DGKI: variants seen among roughly 807,000 people sequenced by gnomAD.
DGKI encodes DAG kinase iota.
Under a neutral mutation model 147.5 loss-of-function variants are expected in DGKI, and 55 were observed. That is an observed-to-expected ratio of 0.37 (90% CI 0.30 to 0.47). The LOEUF (loss-of-function observed/expected upper bound fraction) is 0.47. Among genes scored for constraint, DGKI ranks in the 20% least tolerant of loss-of-function variants. DGKI has a pLI of 1.00. For missense variants in DGKI, 1,007 were observed against 1,323.8 expected (o/e 0.76, Z 3.71); for synonymous variants, 469 against 477.1 (o/e 0.98, Z 0.22).
chr7:137,844,115 C>T (rs1798640617), intron 1 of DGKI, among the ~76,000 whole-genome samples: 1 of 152,144 alleles, frequency 6.6e-6, no homozygotes, highest in Admixed American at 6.5e-5. Flanking sequence ...ACACACCCTT[C>T]ATCCATCCCA....
intron 2 of DGKI, among the ~76,000 whole-genome samples, chr7:137,687,077 G>A (rs1823442940): frequency 6.6e-6 from 1 of 152,074 alleles, no homozygotes; most frequent in East Asian, 1.9e-4. Flanking sequence ...ATTCCCCTGA[G>A]CCAAAGTGTT....
chr7:137,391,596 G>A (rs745925320), intron 32 of DGKI, among the ~76,000 whole-genome samples: 38 of 151,968 alleles, frequency 2.5e-4, no homozygotes, highest in Admixed American at 1.3e-3. Context: ...CTTTTGACGG[G>A]TGGGGTTTAT....
At chr7:137,497,887 T>G (rs1816025591) in intron 21 of DGKI, among the ~76,000 whole-genome samples, 1 of 151,984 alleles carries the variant, frequency 6.6e-6, no homozygotes. Flanking sequence ...TGAAATAATC[T>G]GCACACTAAA....
At position 137,408,076 on chromosome 7, in the gene DGKI, C is replaced by A; in HGVS notation, c.2800-81G>T. 3 of 1,533,702 alleles carry A rather than the reference C, an allele frequency of 2.0e-6. No individual in the cohort carries two copies. In the South Asian group the frequency reaches 3.5e-5, roughly 18 times the overall value. ...AGCTAACCGGTAATAAAATGAGAGTCATGTAGCAGACCACAATGTTTCCAG... is the reference window on the plus strand; with the variant it reads ...AGCTAACCGGTAATAAAATGAGAGTAATGTAGCAGACCACAATGTTTCCAG... On this transcript the variant is annotated intron_variant, in intron 29 of 32. Transcript: ENST00000614521.
In DGKI at chr7:137,846,161, T is replaced by TCTCTCTCTCTCTCTCTCTCTCTCACA. The variant is rs781580130; in HGVS notation, c.401+300_401+301insTGTGAGAGAGAGAGAGAGAGAGAGAG. Reference sequence around the variant, plus strand: ...CTCTCTCTCTCTCTCTCTCTCTCTCTCACACACACACACACACACACACAC... The same window carrying TCTCTCTCTCTCTCTCTCTCTCTCACA: ...CTCTCTCTCTCTCTCTCTCTCTCTCTCTCTCTCTCTCTCTCTCTCTCTCACACACACACACACACACACACACACAC... On this transcript the variant is annotated intron_variant, in intron 1 of 32. Coordinates refer to ENST00000614521, the MANE Select transcript of DGKI (RefSeq NM_001321708.2). The surrounding 1 kb of genome is among the most constrained non-coding windows in gnomAD (Gnocchi z 4.0). Among the ~76,000 whole-genome samples the TCTCTCTCTCTCTCTCTCTCTCTCACA allele has an allele frequency of 9.2e-6, 1 of 108,182 alleles. No individual in the cohort carries two copies. The highest frequency in any genetic ancestry group is 1.8e-5 in the Non-Finnish European group (1 of 55,330). The allele number at this position is 108,182 out of a possible 152,430, so 71.0% of individuals were successfully genotyped here. A position where few individuals can be genotyped will look rare whatever the true frequency, so the allele number is the denominator to read the frequency against.
At chr7:137,451,611 C>A (rs563795016) in intron 27 of DGKI, among the ~76,000 whole-genome samples, 1 of 152,148 alleles carries the variant, frequency 6.6e-6, no homozygotes, top group Non-Finnish European at 1.5e-5. Context: ...TAAAGTATTG[C>A]ACCTCTTATG....
At chr7:137,401,991 G>A (rs911708761) in intron 30 of DGKI, among the ~76,000 whole-genome samples, 19 of 152,190 alleles carry the variant, frequency 1.2e-4, no homozygotes, top group African/African-American at 4.6e-4. Context: ...GGAGGACACA[G>A]ACCATCTCTC....
intron 3 of DGKI, among the ~76,000 whole-genome samples, chr7:137,665,107 T>C (rs1822588420): frequency 6.6e-6 from 1 of 152,208 alleles, no homozygotes; most frequent in Non-Finnish European, 1.5e-5. Flanking sequence ...GGTCAGATGA[T>C]AACAGCAGGC....
At chr7:137,477,603 T>C (rs1213739057) in intron 23 of DGKI, among the ~76,000 whole-genome samples, 2 of 152,224 alleles carry the variant, frequency 1.3e-5, no homozygotes, top group Non-Finnish European at 2.9e-5. Context: ...TAAATTGTGG[T>C]ATAATATGTA....
chr7:137,645,603 G>T, intron 5 of DGKI, 66 bp from the exon 6 acceptor site: 1 of 1,433,722 alleles, frequency 7.0e-7, no homozygotes, highest in Non-Finnish European at 9.4e-7. Flanking sequence ...GTCTTGCTCT[G>T]TCACCCACAC....
intron 15 of DGKI, among the ~76,000 whole-genome samples, chr7:137,581,623 T>C (rs1157764640): frequency 1.3e-5 from 2 of 152,092 alleles, no homozygotes; most frequent in Non-Finnish European, 2.9e-5. Context: ...TTTAAGACCC[T>C]GGACAACTAG....
chr7:137,618,147 A>AT (rs1466435751), intron 8 of DGKI, among the ~76,000 whole-genome samples: 4 of 11,534 alleles, frequency 3.5e-4, no homozygotes, highest in African/African-American at 8.1e-4. Flanking sequence ...ATATATATAT[A>AT]TATATTTTTT....
rs572183191 is a variant in DGKI at position 137,622,077 on chromosome 7, G to A, written c.876+1406C>T. Among the ~76,000 whole-genome samples the A allele has an allele frequency of 2.1e-4, 32 of 150,978 alleles. No homozygotes were observed. The South Asian group carries it at 6.7e-3, about 31-fold the overall frequency. ...ATGATTATTTGTGTAACAACTAACT[G>A]AAAGTAAATGAAAATGCCAGGAATA... On this transcript the variant is annotated intron_variant, in intron 7 of 32. Transcript: ENST00000614521.
intron 1 of DGKI, among the ~76,000 whole-genome samples, chr7:137,749,815 T>C (rs567347670): frequency 6.6e-6 from 1 of 152,026 alleles, no homozygotes; most frequent in South Asian, 2.1e-4. Context: ...TAAATGGTGC[T>C]CAATAAATAC....
intron 1 of DGKI, among the ~76,000 whole-genome samples, chr7:137,772,680 A>T (rs890222430): frequency 1.3e-5 from 2 of 152,264 alleles, no homozygotes; most frequent in Admixed American, 1.3e-4. Context: ...TGCCAGTTTC[A>T]AATTATTCAT....
chr7:137,680,690 G>C (rs1313530542), intron 2 of DGKI, among the ~76,000 whole-genome samples: 1 of 152,004 alleles, frequency 6.6e-6, no homozygotes, highest in Non-Finnish European at 1.5e-5. Context: ...TGAGGCAAGA[G>C]AATTGCTTGA....
intron 1 of DGKI, among the ~76,000 whole-genome samples, chr7:137,700,878 CAAATAAATAAAT>C (rs143983872): frequency 0.071 from 10,459 of 146,638 alleles, 433 homozygotes; most frequent in African/African-American, 0.1. Flanking sequence ...AGCTCCGTCT[CAAATAAATAAAT>C]AAATAAATAA....
chr7:137,493,910 C>G (rs1815865517), intron 21 of DGKI: 10 of 608,068 alleles, frequency 1.6e-5, no homozygotes, highest in Admixed American at 2.9e-5. Context: ...AGTTAACACC[C>G]AATCCAAAAA....
intron 1 of DGKI, among the ~76,000 whole-genome samples, chr7:137,801,018 T>A (rs1797189173): frequency 1.3e-5 from 2 of 152,228 alleles, no homozygotes; most frequent in South Asian, 2.1e-4. Context: ...TGTTCAACAG[T>A]GATCTAAGTG....
Sources: gnomAD v4.1 joint callset for allele counts (sites outside exome capture counted in the v4.1 genomes callset) on GRCh38, gnomAD v4.1.1 for gene constraint, Gnocchi (gnomAD v3.1) non-coding constraint, MANE v1.5 for transcripts, NCBI Gene and HGNC (gene_info 2026-07-23, HGNC 2026-07-21) for gene names.